SYT1: variants seen among roughly 807,000 people sequenced by gnomAD.
The protein encoded by SYT1 is synaptotagmin 1.
A neutral mutation model predicts 44.8 loss-of-function variants in SYT1; 8 were observed. That is an observed-to-expected ratio of 0.18 (90% confidence interval 0.10 to 0.32). The LOEUF (loss-of-function observed/expected upper bound fraction) is 0.32, where lower values mean the gene tolerates loss of function less well. Among genes scored for constraint, SYT1 ranks in the 10% least tolerant of loss-of-function variants. The probability of loss-of-function intolerance (pLI) is 1.00; values close to 1 mark genes in which losing one functional copy is unlikely to be tolerated. For missense variants in SYT1, 286 were observed against 509.3 expected (o/e 0.56, Z 4.22); for synonymous variants, 154 against 188.8 (o/e 0.82, Z 1.51).
chr12:78,990,623 A>G (rs950187479), intron 2 of SYT1, among the ~76,000 whole-genome samples: 1 of 152,162 alleles, frequency 6.6e-6, no homozygotes, highest in Admixed American at 6.5e-5. Flanking sequence ...ATTATCTGGT[A>G]CTTTCCTACA....
At chr12:79,219,556 T>C (rs1342864389) in intron 4 of SYT1, among the ~76,000 whole-genome samples, 1 of 152,148 alleles carries the variant, frequency 6.6e-6, no homozygotes, top group Non-Finnish European at 1.5e-5. Flanking sequence ...TTCATTCTTA[T>C]GCATGTGGAT....
At chr12:79,053,910 T>C (rs1874732765) in intron 3 of SYT1, among the ~76,000 whole-genome samples, 1 of 152,088 alleles carries the variant, frequency 6.6e-6, no homozygotes, top group Non-Finnish European at 1.5e-5. Context: ...ATTTATAATT[T>C]ATCTTTAATC....
At chr12:79,207,480 A>G (rs1425958487) in intron 3 of SYT1, among the ~76,000 whole-genome samples, 1 of 152,168 alleles carries the variant, frequency 6.6e-6, no homozygotes, top group East Asian at 1.9e-4. Flanking sequence ...TCACCTAGGT[A>G]TTAAGTCCCT....
intron 4 of SYT1, among the ~76,000 whole-genome samples, chr12:79,229,101 G>A (rs1419076328): frequency 2.0e-5 from 3 of 152,212 alleles, no homozygotes; most frequent in Admixed American, 6.5e-5. Flanking sequence ...TCTTGAAAGT[G>A]TCTGACACCA....
chr12:79,072,611 A>T (rs149563958), intron 3 of SYT1, among the ~76,000 whole-genome samples: 2 of 152,238 alleles, frequency 1.3e-5, no homozygotes, highest in East Asian at 3.9e-4. Context: ...GAATGTTACA[A>T]ACTTACTGTA....
intron 9 of SYT1, among the ~76,000 whole-genome samples, chr12:79,431,880 T>C (rs1366046554): frequency 6.6e-6 from 1 of 152,132 alleles, no homozygotes; most frequent in Non-Finnish European, 1.5e-5. Context: ...TTTATTTTTA[T>C]TTTCTCCTTC....
At chr12:79,292,576 C>T (rs747748975) in intron 6 of SYT1, among the ~76,000 whole-genome samples, 3 of 151,972 alleles carry the variant, frequency 2.0e-5, no homozygotes, top group Non-Finnish European at 4.4e-5. Flanking sequence ...GATAAGGGAT[C>T]GAAGATGAAA....
At chr12:79,083,437 T>TG (rs1441444029) in intron 3 of SYT1, among the ~76,000 whole-genome samples, 1 of 152,086 alleles carries the variant, frequency 6.6e-6, no homozygotes, top group Non-Finnish European at 1.5e-5. Context: ...TAAGGAGTTA[T>TG]GGGCCAGGAT....
chr12:79,003,463 T>C (rs909148799), intron 2 of SYT1, among the ~76,000 whole-genome samples: 1 of 151,936 alleles, frequency 6.6e-6, no homozygotes, highest in East Asian at 1.9e-4. Context: ...GTGGCGGAGT[T>C]GTAGCTTATC....
chr12:79,332,211 A>T (rs1881886040), intron 8 of SYT1, among the ~76,000 whole-genome samples: 1 of 152,180 alleles, frequency 6.6e-6, no homozygotes, highest in South Asian at 2.1e-4. Context: ...TTGTCTGAAA[A>T]GGATGGCTTT....
chr12:79,406,464 T>C (rs747257135), intron 9 of SYT1, among the ~76,000 whole-genome samples: 1 of 152,138 alleles, frequency 6.6e-6, no homozygotes, highest in Non-Finnish European at 1.5e-5. Context: ...GAACCTTAAC[T>C]TAGCCCAAAA....
At chr12:79,311,970 T>C (rs1880826611) in intron 8 of SYT1, among the ~76,000 whole-genome samples, 1 of 151,356 alleles carries the variant, frequency 6.6e-6, no homozygotes, top group Non-Finnish European at 1.5e-5. Context: ...GATACATATG[T>C]AACTAACCTG....
chr12:79,402,218 G>A (rs991279485), intron 9 of SYT1, among the ~76,000 whole-genome samples: 3 of 152,068 alleles, frequency 2.0e-5, no homozygotes, highest in African/African-American at 7.2e-5. Context: ...AATGCTACAC[G>A]CAAACCTCTA....
chr12:79,090,564 G>C (rs1032933713), intron 3 of SYT1, among the ~76,000 whole-genome samples: 23 of 151,874 alleles, frequency 1.5e-4, no homozygotes, highest in Non-Finnish European at 1.5e-5. Context: ...ATAATAAGTT[G>C]GTTTAGGAGT....
chr12:79,114,418 A>G (rs1449345003), intron 3 of SYT1, among the ~76,000 whole-genome samples: 1 of 152,134 alleles, frequency 6.6e-6, no homozygotes, highest in Non-Finnish European at 1.5e-5. Context: ...TACAAGCTTT[A>G]CCTTTGGCTC....
chr12:79,174,954 T>C (rs1468252111), intron 3 of SYT1, among the ~76,000 whole-genome samples: 6 of 152,074 alleles, frequency 3.9e-5, no homozygotes, highest in Non-Finnish European at 8.8e-5. Flanking sequence ...TTTAAGAATA[T>C]ATTTTATTTT....
chr12:79,047,696 C>G (rs1422597551), intron 3 of SYT1, among the ~76,000 whole-genome samples: 1 of 151,750 alleles, frequency 6.6e-6, no homozygotes, highest in Non-Finnish European at 1.5e-5. Context: ...TCATTTTCTC[C>G]ATATGTGATA....
intron 9 of SYT1, among the ~76,000 whole-genome samples, chr12:79,411,218 A>G (rs1028603357): frequency 3.3e-5 from 5 of 152,204 alleles, no homozygotes; most frequent in African/African-American, 1.2e-4. Flanking sequence ...CTTTCATGCC[A>G]TGGACCTGTG....
chr12:79,280,218 T>A (rs1878971541), intron 4 of SYT1, among the ~76,000 whole-genome samples: 2 of 151,796 alleles, frequency 1.3e-5, no homozygotes, highest in African/African-American at 4.8e-5. Flanking sequence ...AATCTGGCAA[T>A]ATCACATTAC....
Sources: allele counts gnomAD v4.1 joint callset (sites outside exome capture counted in the v4.1 genomes callset), GRCh38; gene constraint gnomAD v4.1.1; transcripts MANE v1.5; gene names NCBI Gene and HGNC (gene_info 2026-07-23, HGNC 2026-07-21).